ACOX3: variants seen among roughly 807,000 people sequenced by gnomAD.
The protein encoded by ACOX3 is peroxisomal acyl-coenzyme A oxidase 3.
In ACOX3, 73 loss-of-function variants were observed where a neutral mutation model predicts 81.5. The observed-to-expected ratio is 0.90, with a 90% confidence interval of 0.74 to 1.09. The LOEUF is 1.09. Ranked by LOEUF, ACOX3 falls within the 50% of genes least tolerant of loss-of-function variation. ACOX3 has a pLI of 0.00. For missense variants in ACOX3, 947 were observed against 928.0 expected (o/e 1.02, Z -0.27); for synonymous variants, 387 against 375.1 (o/e 1.03, Z -0.37).
rs986802513 is a variant in ACOX3, at chr4:8,405,426, C to T, written c.776+529G>A. On this transcript the variant is annotated intron_variant, in intron 7 of 17. Transcript: ENST00000356406. This position sits in a 1 kb window ranked among gnomAD's most constrained non-coding sequence, Gnocchi z 7.1. The stretch of plus-strand genomic sequence containing the variant: ...CAGCCAGGCCTTGGCCACACCAACC[C>T]GGTGTCACATGTGTGCTGCTAAATA... 3.3e-5 allele frequency among the ~76,000 whole-genome samples: 5 copies of T among 152,240 alleles called. No individual in the cohort carries two copies. The highest frequency in any genetic ancestry group is 1.9e-4 in the East Asian group (1 of 5,190).
chr4:8,440,572 C>G (rs1454764859), intron 1 of ACOX3, 76 bp downstream of exon 1: 1 of 452,088 alleles, frequency 2.2e-6, no homozygotes, highest in African/African-American at 2.1e-5. Context: ...CGCTGGCTGG[C>G]TGATGTTTGA....
chr4:8,413,365 T>C (rs1721979707), intron 5 of ACOX3, among the ~76,000 whole-genome samples: 1 of 110,804 alleles, frequency 9.0e-6, no homozygotes, highest in Non-Finnish European at 1.8e-5. Flanking sequence ...GTGGCCCATC[T>C]CCCTCCACCC....
intron 1 of ACOX3, among the ~76,000 whole-genome samples, chr4:8,424,608 TA>T (rs1463791531): frequency 1.3e-5 from 2 of 152,224 alleles, no homozygotes; most frequent in Non-Finnish European, 2.9e-5. Flanking sequence ...TACTCACTGC[TA>T]AAGGAGACTT....
rs147141221 is a variant in ACOX3 at position 8,411,414 on chromosome 4, TGAG to T, written c.544-1062_544-1060del. 9.0e-3 allele frequency among the ~76,000 whole-genome samples: 1,366 copies of T among 152,332 alleles called. 21 individuals are homozygous for T. The highest frequency in any genetic ancestry group is 0.031 in the African/African-American group (1,297 of 41,578). On this transcript the variant is annotated intron_variant, in intron 5 of 17. Coordinates refer to ENST00000356406, the MANE Select transcript of ACOX3 (RefSeq NM_003501.3). ...CATCCTATAGATCCTGAAGTTTCAC[TGAG>T]GAGAAGTAGGAGGTGGGGTGGCTGC...
the ACOX3 span, among the ~76,000 whole-genome samples, chr4:8,360,007 C>G: frequency 6.6e-6 from 1 of 152,184 alleles, no homozygotes; most frequent in African/African-American, 2.4e-5. Context: ...GCCTGCTTTT[C>G]AAGACAGCTC....
rs1722646426 is a variant in ACOX3, at chr4:8,419,038, C to A, written c.-14-2503G>T. ...TAAATGCCGGCTATAGTGGCACGTG[C>A]CTGTGGTCCCAGCTACTCTGGGGAG... On this transcript the variant is annotated intron_variant, in intron 1 of 17. Coordinates refer to ENST00000356406, the MANE Select transcript of ACOX3 (RefSeq NM_003501.3). This position sits in a 1 kb window ranked among gnomAD's most constrained non-coding sequence, Gnocchi z 4.2. Among the ~76,000 whole-genome samples the A allele has an allele frequency of 6.6e-6, 1 of 152,020 alleles. No homozygotes were observed. The highest frequency in any genetic ancestry group is 2.1e-4 in the South Asian group (1 of 4,814).
intron 1 of ACOX3, among the ~76,000 whole-genome samples, chr4:8,424,921 C>T (rs1723313204): frequency 6.6e-6 from 1 of 152,170 alleles, no homozygotes; most frequent in Non-Finnish European, 1.5e-5. Context: ...TGAAAGTAAT[C>T]CCCTCACTCC....
At chr4:8,440,116 A>T (rs1724516904) in intron 1 of ACOX3, among the ~76,000 whole-genome samples, 1 of 152,254 alleles carries the variant, frequency 6.6e-6, no homozygotes, top group African/African-American at 2.4e-5. Flanking sequence ...TGATTCATGT[A>T]GCCCCCAGTC....
rs3775894 is a variant in ACOX3 at position 8,385,257 on chromosome 4, C to T, written c.1538-3650G>A. ...TCATATGACCCCACTGCCCACCTCA[C>T]ATGACCTCACCATGCACTCCACGTG... On this transcript the variant is annotated intron_variant, in intron 13 of 17. Coordinates refer to ENST00000356406, the MANE Select transcript of ACOX3 (RefSeq NM_003501.3). This position sits in a 1 kb window ranked among gnomAD's most constrained non-coding sequence, Gnocchi z 5.5. Among the ~76,000 whole-genome samples, 96 of 152,128 alleles carry T rather than the reference C, an allele frequency of 6.3e-4. 3 individuals are homozygous for T. In the East Asian group the frequency reaches 0.016, roughly 25 times the overall value.
In ACOX3 at chr4:8,370,145, G is replaced by A. The variant is rs1715990494; in HGVS notation, c.1983+763C>T. Among the ~76,000 whole-genome samples the A allele has an allele frequency of 6.6e-6, 1 of 152,230 alleles. No individual in the cohort carries two copies. ...AATAGTCAGCTTATACTGAAAGAAT[G>A]GAAGGCACTCCAGGCAGCCCGAGCA... On this transcript the variant is annotated intron_variant, in intron 17 of 17. Transcript: ENST00000356406. This position sits in a 1 kb window ranked among gnomAD's most constrained non-coding sequence, Gnocchi z 6.3.
chr4:8,391,608 T>C (rs981957627), intron 11 of ACOX3, among the ~76,000 whole-genome samples: 5 of 152,230 alleles, frequency 3.3e-5, no homozygotes, highest in African/African-American at 9.7e-5. Flanking sequence ...AAAAAAGTCA[T>C]TGGGCACGCA....
At position 8,368,268 on chromosome 4, in the gene ACOX3, C is replaced by T. The variant is rs991731572; in HGVS notation, c.1984-1188G>A. Among the ~76,000 whole-genome samples, 3 of 152,250 alleles carry T rather than the reference C, an allele frequency of 2.0e-5. No individual in the cohort carries two copies. Among genetic ancestry groups the T allele is most frequent in the Non-Finnish European group, 2.9e-5 (2 of 68,046 alleles). On this transcript the variant is annotated intron_variant, in intron 17 of 17. Transcript: ENST00000356406. This position sits in a 1 kb window ranked among gnomAD's most constrained non-coding sequence, Gnocchi z 5.9. The stretch of plus-strand genomic sequence containing the variant: ...TCCCCTACGGGAGGTGCAGACTTCA[C>T]TGCTCTCAGCCTAAGTGGCCTCACT...
At chr4:8,401,376 G>C (rs1285093611) in intron 7 of ACOX3, among the ~76,000 whole-genome samples, 3 of 152,132 alleles carry the variant, frequency 2.0e-5, no homozygotes, top group Non-Finnish European at 2.9e-5. Flanking sequence ...CCCGTTTCCT[G>C]CGTGGGCTCT....
In ACOX3 at chr4:8,386,519, TCA is replaced by T. The variant is rs1718318982; in HGVS notation, c.1537+2652_1537+2653del. Among the ~76,000 whole-genome samples the T allele has an allele frequency of 7.0e-6, 1 of 143,318 alleles. No homozygotes were observed. Among genetic ancestry groups the T allele is most frequent in the Non-Finnish European group, 1.5e-5 (1 of 66,744 alleles). The allele number at this position is 143,318 out of a possible 152,430, so 94.0% of individuals were successfully genotyped here. On this transcript the variant is annotated intron_variant, in intron 13 of 17. Transcript: ENST00000356406. This position sits in a 1 kb window ranked among gnomAD's most constrained non-coding sequence, Gnocchi z 5.2. ...AGGTGGAGCTTGCAGTGAGCCGAGA[TCA>T]TACCACTGCACTCCAGCCTGGGCGA...
intron 1 of ACOX3, among the ~76,000 whole-genome samples, chr4:8,425,888 A>G (rs1723429784): frequency 6.6e-6 from 1 of 152,124 alleles, no homozygotes; most frequent in Non-Finnish European, 1.5e-5. Context: ...TTACTTAGGC[A>G]TACAATATCA....
In ACOX3 at chr4:8,399,829, G is replaced by A. The variant is rs1419342124; in HGVS notation, c.777-177C>T. 1.3e-5 allele frequency among the ~76,000 whole-genome samples: 2 copies of A among 152,240 alleles called. No individual in the cohort carries two copies. The highest frequency in any genetic ancestry group is 4.1e-4 in the South Asian group (2 of 4,834). On this transcript the variant is annotated intron_variant, in intron 7 of 17. Transcript: ENST00000356406. This position sits in a 1 kb window ranked among gnomAD's most constrained non-coding sequence, Gnocchi z 4.9. Reference sequence around the variant, plus strand: ...CAAAAAAGTAGTCTAGTCAGGAACAGTGGCTCACGCCCAGAATCCCAACTC... The same window carrying A: ...CAAAAAAGTAGTCTAGTCAGGAACAATGGCTCACGCCCAGAATCCCAACTC...
rs961314093 is a variant in ACOX3 at position 8,389,511 on chromosome 4, T to A, written c.1423+101A>T. On this transcript the variant is annotated intron_variant, in intron 12 of 17. Coordinates refer to ENST00000356406, the MANE Select transcript of ACOX3 (RefSeq NM_003501.3). The surrounding 1 kb of genome is among the most constrained non-coding windows in gnomAD (Gnocchi z 5.3). ...TAACATTTCTTTCCTTCTGCAAACC[T>A]AGGATGCATTCACAGAACAGCTGAA... 6.4e-7 allele frequency: 1 copy of A among 1,555,368 alleles called. No homozygotes were observed.
At chr4:8,403,377 C>T (rs892138077) in intron 7 of ACOX3, among the ~76,000 whole-genome samples, 1 of 152,226 alleles carries the variant, frequency 6.6e-6, no homozygotes, top group African/African-American at 2.4e-5. Flanking sequence ...GACCCTCCAG[C>T]CCTGGATGGG....
rs573103067 is a variant in ACOX3, at chr4:8,382,816, C to T, written c.1538-1209G>A. Among the ~76,000 whole-genome samples, 9 of 151,836 alleles carry T rather than the reference C, an allele frequency of 5.9e-5. No homozygotes were observed. The South Asian group carries it at 1.9e-3, about 32-fold the overall frequency. ...GACCATCCTGGCTAACACGGTGAAA[C>T]CCCGTCTCTACTAAAAATACAAAAA... On this transcript the variant is annotated intron_variant, in intron 13 of 17. Transcript: ENST00000356406. This position sits in a 1 kb window ranked among gnomAD's most constrained non-coding sequence, Gnocchi z 4.1.
Sources: gnomAD v4.1 joint callset for allele counts (sites outside exome capture counted in the v4.1 genomes callset) on GRCh38, gnomAD v4.1.1 for gene constraint, Gnocchi (gnomAD v3.1) non-coding constraint, MANE v1.5 for transcripts, NCBI Gene and HGNC (gene_info 2026-07-23, HGNC 2026-07-21) for gene names.